Variants in MAF observed in about 807,000 individuals in gnomAD.
MAF encodes the protein transcription factor Maf.
A neutral mutation model predicts 22.0 loss-of-function variants in MAF; 10 were observed. The observed-to-expected ratio is 0.45, with a 90% CI of 0.28 to 0.77. The LOEUF is 0.77. Among genes scored for constraint, MAF ranks in the 30% least tolerant of loss-of-function variants. MAF has a pLI of 0.12. For synonymous variants in MAF, 337 were observed against 255.8 expected (o/e 1.32, Z -3.03); for missense variants, 544 against 548.4 (o/e 0.99, Z 0.08).
At chr16:79,595,678 G>C in intron 1 of MAF, 1 of 1,058,034 alleles carries the variant, frequency 9.5e-7, no homozygotes, top group Non-Finnish European at 1.1e-6. Context: ...GCCTATTTTG[G>C]GGTAAATACC....
the MAF span, among the ~76,000 whole-genome samples, chr16:79,521,351 A>G: frequency 9.8e-5 from 15 of 152,334 alleles, no homozygotes; most frequent in East Asian, 2.9e-3. Context: ...GTTCCTTCAG[A>G]AAAAAGAAAT....
At chr16:79,248,279 T>C in the MAF span, among the ~76,000 whole-genome samples, 1 of 152,164 alleles carries the variant, frequency 6.6e-6, no homozygotes, top group Non-Finnish European at 1.5e-5. Context: ...TAAATTTTGC[T>C]TTTTGGAATA....
At chr16:79,226,852 T>C in the MAF span, among the ~76,000 whole-genome samples, 4 of 152,184 alleles carry the variant, frequency 2.6e-5, 1 homozygote, top group Admixed American at 6.5e-5. Context: ...AGCTGCCTTA[T>C]TGAGTATTAT....
the MAF span, among the ~76,000 whole-genome samples, chr16:79,275,199 T>C: frequency 1.3e-5 from 2 of 152,168 alleles, no homozygotes; most frequent in South Asian, 4.2e-4. Context: ...CTACTAAAAA[T>C]ACCCAAATTA....
the MAF span, among the ~76,000 whole-genome samples, chr16:79,210,153 G>A: frequency 2.4e-4 from 37 of 152,270 alleles, no homozygotes; most frequent in East Asian, 5.8e-4. Flanking sequence ...GCCCAGAGTC[G>A]TATCACTTGA....
At chr16:79,554,359 T>G in the MAF span, among the ~76,000 whole-genome samples, 1 of 152,172 alleles carries the variant, frequency 6.6e-6, no homozygotes, top group African/African-American at 2.4e-5. Flanking sequence ...TCTTTCTTCC[T>G]AATCTCCCAG....
the MAF span, among the ~76,000 whole-genome samples, chr16:79,520,497 G>T: frequency 6.6e-6 from 1 of 152,130 alleles, no homozygotes; most frequent in Non-Finnish European, 1.5e-5. Flanking sequence ...GTGTGTGTGT[G>T]TGTGCTTGCA....
At chr16:79,547,342 C>T in the MAF span, among the ~76,000 whole-genome samples, 1 of 151,852 alleles carries the variant, frequency 6.6e-6, no homozygotes, top group Non-Finnish European at 1.5e-5. Context: ...CACACACGTA[C>T]CCACAGACAC....
the MAF span, among the ~76,000 whole-genome samples, chr16:79,464,375 T>G: frequency 6.6e-6 from 1 of 152,134 alleles, no homozygotes; most frequent in Admixed American, 6.5e-5. Context: ...CCCACCACAG[T>G]AGCCGTGAAG....
At chr16:79,287,243 C>T in the MAF span, among the ~76,000 whole-genome samples, 1 of 152,142 alleles carries the variant, frequency 6.6e-6, no homozygotes, top group East Asian at 1.9e-4. Flanking sequence ...TCTTTCACTT[C>T]CTGTTATGCA....
chr16:79,444,491 A>G, the MAF span, among the ~76,000 whole-genome samples: 2 of 152,280 alleles, frequency 1.3e-5, no homozygotes, highest in African/African-American at 4.8e-5. Context: ...GTTTCCTTAT[A>G]TTTAAAAAAG....
At chr16:79,314,804 C>G in the MAF span, among the ~76,000 whole-genome samples, 2 of 152,292 alleles carry the variant, frequency 1.3e-5, no homozygotes, top group African/African-American at 4.8e-5. Flanking sequence ...ACCTCTCCAT[C>G]CACTTCCTTC....
chr16:79,532,528 C>T, the MAF span, among the ~76,000 whole-genome samples: 15 of 152,106 alleles, frequency 9.9e-5, no homozygotes, highest in East Asian at 1.9e-4. Context: ...TTCTCGACTC[C>T]GGAGAGAGGC....
At chr16:79,497,990 C>T in the MAF span, among the ~76,000 whole-genome samples, 1 of 152,210 alleles carries the variant, frequency 6.6e-6, no homozygotes, top group Non-Finnish European at 1.5e-5. Flanking sequence ...AAGATATGCA[C>T]AGAGACTATA....
At chr16:79,545,809 G>C in the MAF span, among the ~76,000 whole-genome samples, 1 of 152,044 alleles carries the variant, frequency 6.6e-6, no homozygotes, top group African/African-American at 2.4e-5. Flanking sequence ...GGAGGAATAA[G>C]TCCAAGAAAT....
chr16:79,229,556 C>G, the MAF span: 10,900 of 152,100 alleles, frequency 0.072, 578 homozygotes, highest in Middle Eastern at 0.16. Flanking sequence ...GGGCTGTGAG[C>G]GGGGATAAGT....
the MAF span, among the ~76,000 whole-genome samples, chr16:79,401,768 G>C: frequency 6.6e-6 from 1 of 152,154 alleles, no homozygotes; most frequent in African/African-American, 2.4e-5. Context: ...TATCATACAA[G>C]AAAGGGAAGA....
At chr16:79,428,633 G>A in the MAF span, among the ~76,000 whole-genome samples, 1 of 151,986 alleles carries the variant, frequency 6.6e-6, no homozygotes, top group African/African-American at 2.4e-5. Context: ...TGAGGCCAGG[G>A]TTTTGAGACC....
the MAF span, among the ~76,000 whole-genome samples, chr16:79,491,977 A>T: frequency 6.6e-6 from 1 of 152,304 alleles, no homozygotes; most frequent in South Asian, 2.1e-4. Flanking sequence ...ACTGACAATG[A>T]GGGCCTGAGA....
Sources: allele counts gnomAD v4.1 joint callset (sites outside exome capture counted in the v4.1 genomes callset), GRCh38; gene constraint gnomAD v4.1.1; transcripts MANE v1.5; gene names NCBI Gene and HGNC (gene_info 2026-07-23, HGNC 2026-07-21).